SHISA9: variants seen among roughly 807,000 people sequenced by gnomAD.
SHISA9 encodes shisa family member 9.
Under a neutral mutation model 38.0 loss-of-function variants are expected in SHISA9, and 13 were observed. The observed-to-expected ratio is 0.34, with a 90% CI of 0.22 to 0.54. SHISA9 has a LOEUF of 0.54. Among genes scored for constraint, SHISA9 ranks in the 20% least tolerant of loss-of-function variants. The probability of loss-of-function intolerance (pLI) is 0.91; values close to 1 mark genes in which losing one functional copy is unlikely to be tolerated. For missense variants in SHISA9, 538 were observed against 575.8 expected, an observed-to-expected ratio of 0.93 and a Z score of 0.67; for synonymous variants, 275 against 242.0, an observed-to-expected ratio of 1.14 and a Z score of -1.27.
intron 2 of SHISA9, 98 bp downstream of exon 2, chr16:12,916,913 G>T (rs369251045): frequency 3.7e-6 from 5 of 1,345,280 alleles, no homozygotes; most frequent in Non-Finnish European, 4.9e-6. Flanking sequence ...TTAGTTAAGA[G>T]CTCTTTGTGG....
intron 2 of SHISA9, among the ~76,000 whole-genome samples, chr16:13,177,142 A>C (rs1446107650): frequency 1.3e-5 from 2 of 152,182 alleles, no homozygotes; most frequent in African/African-American, 4.8e-5. Context: ...GAGGGTTATG[A>C]AAATCTGCAC....
intron 2 of SHISA9, among the ~76,000 whole-genome samples, chr16:12,973,275 C>G (rs973952274): frequency 6.6e-6 from 1 of 152,208 alleles, no homozygotes; most frequent in Non-Finnish European, 1.5e-5. Context: ...TTTTCAAATG[C>G]TAACAGGTTT....
chr16:13,213,987 G>T (rs2051144300), intron 4 of SHISA9, among the ~76,000 whole-genome samples: 1 of 152,172 alleles, frequency 6.6e-6, no homozygotes. Context: ...TCTAAGTATG[G>T]ATAAGTCTTG....
chr16:13,534,183 G>A, the SHISA9 span, among the ~76,000 whole-genome samples: 2 of 150,020 alleles, frequency 1.3e-5, no homozygotes, highest in Non-Finnish European at 3.0e-5. Flanking sequence ...CCACATTCAA[G>A]AGTATTCTAT....
chr16:13,349,272 C>T, the SHISA9 span, among the ~76,000 whole-genome samples: 1 of 152,152 alleles, frequency 6.6e-6, no homozygotes, highest in African/African-American at 2.4e-5. Flanking sequence ...CTTAACCACC[C>T]GCAGTGTTAA....
the SHISA9 span, among the ~76,000 whole-genome samples, chr16:13,261,652 T>C: frequency 1.3e-5 from 2 of 152,190 alleles, no homozygotes; most frequent in African/African-American, 2.4e-5. Flanking sequence ...ACCCACTGTT[T>C]ACAAAATTTT....
At chr16:13,181,550 C>A (rs2142031793) in intron 2 of SHISA9, among the ~76,000 whole-genome samples, 1 of 151,934 alleles carries the variant, frequency 6.6e-6, no homozygotes, top group East Asian at 1.9e-4. Context: ...AGGACCTTGT[C>A]ATACATGGTA....
Position 13,114,238 on chromosome 16 carries a change from G to A in SHISA9, c.692-89156G>A, listed in dbSNP as rs147958500. ...TCCCAGCACTTTGGGAGGCTGAGGC[G>A]GGCAGATCACAAGGTCAGGAGATCG... On this transcript the variant is annotated intron_variant, in intron 2 of 4. Transcript: ENST00000558583. 2.4e-4 allele frequency among the ~76,000 whole-genome samples: 36 copies of A among 151,868 alleles called. 1 individual carries two copies. The East Asian group carries it at 5.4e-3, about 23-fold the overall frequency.
At chr16:13,181,308 TATATACACAC>T (rs1424852754) in intron 2 of SHISA9, among the ~76,000 whole-genome samples, 30 of 37,908 alleles carry the variant, frequency 7.9e-4, no homozygotes, top group African/African-American at 4.1e-3. Flanking sequence ...TATATATATA[TATATACACAC>T]ACACACACAC....
chr16:13,225,527 G>T (rs557512633), intron 4 of SHISA9, among the ~76,000 whole-genome samples: 1 of 152,200 alleles, frequency 6.6e-6, no homozygotes, highest in East Asian at 1.9e-4. Flanking sequence ...ACCCTTGAGC[G>T]AAAGGCAGAA....
At chr16:13,061,135 T>C (rs573324605) in intron 2 of SHISA9, among the ~76,000 whole-genome samples, 121 of 152,288 alleles carry the variant, frequency 7.9e-4, no homozygotes, top group Non-Finnish European at 1.5e-3. Flanking sequence ...TCGTTAAACA[T>C]AGTAAACACA....
intron 2 of SHISA9, among the ~76,000 whole-genome samples, chr16:13,031,456 A>G (rs1386360339): frequency 6.6e-6 from 1 of 152,192 alleles, no homozygotes; most frequent in Non-Finnish European, 1.5e-5. Context: ...ACAGGCACCA[A>G]CCAGTAACTG....
At chr16:13,051,892 G>A (rs1296743212) in intron 2 of SHISA9, among the ~76,000 whole-genome samples, 1 of 151,888 alleles carries the variant, frequency 6.6e-6, no homozygotes, top group South Asian at 2.1e-4. Flanking sequence ...AGTCTCCTGA[G>A]TAGCTGGGAC....
At chr16:12,926,019 C>T (rs1054650760) in intron 2 of SHISA9, among the ~76,000 whole-genome samples, 7 of 152,098 alleles carry the variant, frequency 4.6e-5, no homozygotes, top group Non-Finnish European at 8.8e-5. Context: ...AGCCACCGTG[C>T]CTGGACTGCA....
chr16:13,169,698 G>T (rs1399225179), intron 2 of SHISA9, among the ~76,000 whole-genome samples: 1 of 152,196 alleles, frequency 6.6e-6, no homozygotes, highest in Non-Finnish European at 1.5e-5. Context: ...TAGACCAGAA[G>T]TCAGAGAGCA....
chr16:13,470,946 CAG>C, the SHISA9 span, among the ~76,000 whole-genome samples: 1 of 151,812 alleles, frequency 6.6e-6, no homozygotes, highest in African/African-American at 2.4e-5. Context: ...TTTCAAGAAA[CAG>C]AAGTGAGGAA....
At chr16:13,373,014 C>G in the SHISA9 span, among the ~76,000 whole-genome samples, 4 of 152,174 alleles carry the variant, frequency 2.6e-5, no homozygotes, top group African/African-American at 9.6e-5. Flanking sequence ...TCCTCAGAAC[C>G]AATTCTTGCC....
At chr16:13,286,844 T>C in the SHISA9 span, among the ~76,000 whole-genome samples, 6 of 152,246 alleles carry the variant, frequency 3.9e-5, no homozygotes, top group Non-Finnish European at 7.3e-5. Flanking sequence ...ACACACAGAC[T>C]CCCAGTAAAT....
At chr16:12,910,422 T>C in intron 1 of SHISA9, 1 of 979,100 alleles carries the variant, frequency 1.0e-6, no homozygotes, top group South Asian at 4.7e-5. Flanking sequence ...TCCCTGCCCT[T>C]GAAGAGCAAA....
Sources: gnomAD v4.1 joint callset for allele counts (sites outside exome capture counted in the v4.1 genomes callset) on GRCh38, gnomAD v4.1.1 for gene constraint, MANE v1.5 for transcripts, NCBI Gene and HGNC (gene_info 2026-07-23, HGNC 2026-07-21) for gene names.